The following LRIG1 variants were observed in gnomAD, a reference collection of about 807,000 sequenced individuals.
The protein encoded by LRIG1 is leucine rich repeats and immunoglobulin like domains 1, also known as leucine-rich repeats and immunoglobulin-like domains protein 1.
A neutral mutation model predicts 99.2 loss-of-function variants in LRIG1; 48 were observed. The observed-to-expected ratio is 0.48, with a 90% CI of 0.38 to 0.62. LRIG1 has a LOEUF of 0.62. Among genes scored for constraint, LRIG1 ranks in the 20% least tolerant of loss-of-function variants. The pLI, the probability that LRIG1 is intolerant of heterozygous loss-of-function variation, is 0.00. For synonymous variants in LRIG1, 772 were observed against 596.1 expected (o/e 1.29, Z -4.30); for missense variants, 1,646 against 1,434.4 (o/e 1.15, Z -2.38).
chr3:66,409,011 G>A (rs765557141), intron 7 of LRIG1, among the ~76,000 whole-genome samples: 1 of 148,486 alleles, frequency 6.7e-6, no homozygotes, highest in East Asian at 2.1e-4. Flanking sequence ...GGAGAGAGAG[G>A]AGAACACAGA....
intron 2 of LRIG1, among the ~76,000 whole-genome samples, chr3:66,458,460 T>C (rs1409646711): frequency 6.6e-6 from 1 of 152,120 alleles, no homozygotes; most frequent in Admixed American, 6.5e-5. Context: ...CCCAGCACAC[T>C]GGGAGGCCAA....
chr3:66,385,358 A>G (rs1164916156), intron 13 of LRIG1, among the ~76,000 whole-genome samples: 5 of 152,218 alleles, frequency 3.3e-5, no homozygotes, highest in African/African-American at 1.2e-4. Context: ...CCCCAGGCTA[A>G]GGGGTATTTG....
chr3:66,382,003 C>G (rs1701103781), intron 16 of LRIG1, among the ~76,000 whole-genome samples: 1 of 152,206 alleles, frequency 6.6e-6, no homozygotes, highest in East Asian at 1.9e-4. Context: ...AATGCCCTTT[C>G]CAGCTGCTAC....
At chr3:66,413,165 A>T (rs1158194114) in intron 5 of LRIG1, 151 bp from the exon 6 acceptor site, 9 of 833,718 alleles carry the variant, frequency 1.1e-5, no homozygotes, top group Middle Eastern at 4.6e-4. Context: ...GGAGCCCACC[A>T]TGTGTCTCGG....
chr3:66,417,063 C>T, intron 4 of LRIG1, 66 bp downstream of exon 4: 2 of 1,584,222 alleles, frequency 1.3e-6, no homozygotes, highest in South Asian at 2.3e-5. Context: ...GAACTGGGTG[C>T]CGGTGAAGCT....
At chr3:66,402,258 A>T (rs951340824) in intron 9 of LRIG1, among the ~76,000 whole-genome samples, 3 of 152,132 alleles carry the variant, frequency 2.0e-5, no homozygotes, top group African/African-American at 7.2e-5. Flanking sequence ...ACTCTGTGCC[A>T]TCGTGCAGGC....
At chr3:66,457,018 A>G (rs6549120) in intron 2 of LRIG1, among the ~76,000 whole-genome samples, 86,119 of 151,730 alleles carry the variant, frequency 0.57, 25,373 homozygotes, top group Middle Eastern at 0.65. Context: ...AAGCGTCCTC[A>G]TGTCCTCCAG....
chr3:66,464,537 A>G (rs996708721), intron 1 of LRIG1, among the ~76,000 whole-genome samples: 2 of 151,458 alleles, frequency 1.3e-5, no homozygotes, highest in Middle Eastern at 3.4e-3. Context: ...AAGATTTCAC[A>G]TATCTGCAGG....
chr3:66,402,052 G>A (rs973979549), intron 9 of LRIG1, among the ~76,000 whole-genome samples: 3 of 152,054 alleles, frequency 2.0e-5, no homozygotes, highest in African/African-American at 4.8e-5. Context: ...TGGAGGCTGC[G>A]CTCACATCAG....
At chr3:66,486,163 C>A (rs144895889) in intron 1 of LRIG1, among the ~76,000 whole-genome samples, 1 of 152,092 alleles carries the variant, frequency 6.6e-6, no homozygotes, top group Non-Finnish European at 1.5e-5. Flanking sequence ...ACTATTATTG[C>A]GACAGTTATA....
At chr3:66,483,596 G>A (rs1473383042) in intron 1 of LRIG1, among the ~76,000 whole-genome samples, 1 of 152,232 alleles carries the variant, frequency 6.6e-6, no homozygotes, top group Non-Finnish European at 1.5e-5. Flanking sequence ...AGCAAAGTAA[G>A]AGCTCAAGCA....
chr3:66,478,787 A>T (rs1371545312), intron 1 of LRIG1, among the ~76,000 whole-genome samples: 3 of 151,274 alleles, frequency 2.0e-5, no homozygotes, highest in Non-Finnish European at 4.4e-5. Flanking sequence ...GCTCACCACC[A>T]CCCTCCTGTC....
At chr3:66,453,625 G>GT (rs1703979062) in intron 2 of LRIG1, among the ~76,000 whole-genome samples, 1 of 152,126 alleles carries the variant, frequency 6.6e-6, no homozygotes, top group Non-Finnish European at 1.5e-5. Context: ...TACATTACCG[G>GT]TAAGTTCTCT....
At chr3:66,407,021 G>A (rs889123906) in intron 8 of LRIG1, among the ~76,000 whole-genome samples, 3 of 152,290 alleles carry the variant, frequency 2.0e-5, no homozygotes, top group East Asian at 1.9e-4. Flanking sequence ...TGCACCAGGC[G>A]CTCAGCGTGG....
intron 6 of LRIG1, among the ~76,000 whole-genome samples, chr3:66,411,482 C>G (rs1370760961): frequency 6.6e-6 from 1 of 152,138 alleles, no homozygotes; most frequent in Non-Finnish European, 1.5e-5. Context: ...ACTTCCAAGT[C>G]CAAAATGACA....
intron 7 of LRIG1, among the ~76,000 whole-genome samples, chr3:66,409,559 G>C (rs958446094): frequency 6.6e-6 from 1 of 152,216 alleles, no homozygotes; most frequent in African/African-American, 2.4e-5. Flanking sequence ...GACTGCACAG[G>C]AGCCTCTGCC....
At chr3:66,473,713 G>T (rs1310430097) in intron 1 of LRIG1, among the ~76,000 whole-genome samples, 11 of 152,152 alleles carry the variant, frequency 7.2e-5, no homozygotes, top group African/African-American at 2.7e-4. Flanking sequence ...GAATACATCC[G>T]CTGTATTACA....
In LRIG1 at chr3:66,380,866, A is replaced by G. The variant is rs200064336; in HGVS notation, c.2771-5T>C. The G allele has an allele frequency of 6.2e-7, 1 of 1,613,030 alleles. No homozygotes were observed. The highest frequency in any genetic ancestry group is 1.3e-5 in the African/African-American group (1 of 75,056). ...ATACGACCCGGCCACCGTGTTCTGA[A>G]GGACAGCGCCAAAGATGGGTTAGAG... is the stretch of plus-strand genomic sequence containing the variant. On this transcript the variant is annotated splice_polypyrimidine_tract_variant and splice_region_variant and intron_variant, in intron 17 of 18. Transcript: ENST00000273261.
chr3:66,429,609 T>C (rs1174542263), intron 3 of LRIG1, among the ~76,000 whole-genome samples: 2 of 147,012 alleles, frequency 1.4e-5, no homozygotes, highest in African/African-American at 2.4e-5. Flanking sequence ...TTTAGGTCAG[T>C]GAAGCTATTC....
Sources: gnomAD v4.1 joint callset for allele counts (sites outside exome capture counted in the v4.1 genomes callset) on GRCh38, gnomAD v4.1.1 for gene constraint, MANE v1.5 for transcripts, NCBI Gene and HGNC (gene_info 2026-07-23, HGNC 2026-07-21) for gene names.